SLC17A6: variants seen among roughly 807,000 people sequenced by gnomAD.
SLC17A6 encodes vesicular glutamate transporter 2.
Under a neutral mutation model 67.1 loss-of-function variants are expected in SLC17A6, and 35 were observed. The observed-to-expected ratio is 0.52, with a 90% CI of 0.40 to 0.69. SLC17A6 has a LOEUF of 0.69. Among genes scored for constraint, SLC17A6 ranks in the 30% least tolerant of loss-of-function variants. The probability of loss-of-function intolerance (pLI) is 0.00; values close to 1 mark genes in which losing one functional copy is unlikely to be tolerated. For synonymous variants in SLC17A6, 285 were observed against 252.3 expected, an observed-to-expected ratio of 1.13 and a Z score of -1.23; for missense variants, 588 against 723.9, an observed-to-expected ratio of 0.81 and a Z score of 2.15.
chr11:22,364,606 C>T lies in SLC17A6; in HGVS notation c.749-941C>T, dbSNP rs188056027. On this transcript the variant is annotated intron_variant, in intron 6 of 11. Transcript: ENST00000263160. ...TAAAAGGAACACAGCTCATCAGAAG[C>T]TATGTATGGTGTTAGGAAACCCTTC... is the stretch of plus-strand genomic sequence containing the variant. 3.4e-4 allele frequency among the ~76,000 whole-genome samples: 51 copies of T among 151,970 alleles called. 1 individual carries two copies. The highest frequency in any genetic ancestry group is 1.2e-4 in the Non-Finnish European group (8 of 67,984).
intron 2 of SLC17A6, among the ~76,000 whole-genome samples, chr11:22,342,078 C>A (rs910724799): frequency 6.6e-6 from 1 of 152,212 alleles, no homozygotes; most frequent in Non-Finnish European, 1.5e-5. Context: ...TCCACTAAGT[C>A]TAAATAGAAG....
intron 5 of SLC17A6, among the ~76,000 whole-genome samples, chr11:22,361,823 G>T (rs1010352039): frequency 6.6e-6 from 1 of 152,136 alleles, no homozygotes; most frequent in Non-Finnish European, 1.5e-5. Flanking sequence ...GAGCAGTAAG[G>T]CAAGAGAGCA....
chr11:22,350,448 G>A (rs1855925290), intron 3 of SLC17A6, among the ~76,000 whole-genome samples: 1 of 147,146 alleles, frequency 6.8e-6, no homozygotes, highest in African/African-American at 2.5e-5. Context: ...ATTTGCTGCA[G>A]AGGAAATCAC....
chr11:22,341,324 G>A lies in SLC17A6; in HGVS notation c.87-204G>A, dbSNP rs555315570. On this transcript the variant is annotated intron_variant, in intron 1 of 11. Coordinates refer to ENST00000263160, the MANE Select transcript of SLC17A6 (RefSeq NM_020346.3). ...GTGTTAAAGTTGAAGAGACGCCGCC[G>A]CCGCGGCCAAGGGCACCTGCAGAAT... Among the ~76,000 whole-genome samples, 3 of 152,302 alleles carry A rather than the reference G, an allele frequency of 2.0e-5. 1 individual carries two copies. The South Asian group carries it at 6.2e-4, about 32-fold the overall frequency.
intron 7 of SLC17A6, among the ~76,000 whole-genome samples, chr11:22,368,327 A>C (rs542623894): frequency 3.9e-5 from 6 of 152,068 alleles, no homozygotes; most frequent in Non-Finnish European, 7.4e-5. Context: ...CACACATTGC[A>C]ACTTATTGCA....
rs57725309 is a variant in SLC17A6, at chr11:22,339,151, A to ATGTTTTTTATATAT, written c.86+532_86+533insTGTTTTTTATATAT. Among the ~76,000 whole-genome samples the ATGTTTTTTATATAT allele has an allele frequency of 7.1e-3, 213 of 29,798 alleles. 30 individuals carry two copies. The highest frequency in any genetic ancestry group is 0.035 in the African/African-American group (198 of 5,590). The allele number at this position is 29,798 out of a possible 152,430, so 19.5% of individuals were successfully genotyped here. On this transcript the variant is annotated intron_variant, in intron 1 of 11. Coordinates refer to ENST00000263160, the MANE Select transcript of SLC17A6 (RefSeq NM_020346.3). Reference sequence around the variant, plus strand: ...TATGTTATATATATATGTTATATATAGTTATATATATATGTTATATATATA... The same window carrying ATGTTTTTTATATAT: ...TATGTTATATATATATGTTATATATATGTTTTTTATATATGTTATATATATATGTTATATATATA...
At chr11:22,339,760 C>A (rs1387307871) in intron 1 of SLC17A6, among the ~76,000 whole-genome samples, 1 of 152,088 alleles carries the variant, frequency 6.6e-6, no homozygotes, top group Non-Finnish European at 1.5e-5. Context: ...CATGTAGGCA[C>A]GATTATGCAC....
At chr11:22,341,871 C>G (rs1193500882) in intron 2 of SLC17A6, 91 bp downstream of exon 2, 1 of 1,531,976 alleles carries the variant, frequency 6.5e-7, no homozygotes, top group Admixed American at 1.9e-5. Flanking sequence ...TCCCCCGCCA[C>G]TGAGAGGAAG....
Position 22,341,730 on chromosome 11 carries a change from G to C in SLC17A6, c.289G>C (p.Asp97His). The change falls in exon 2 of 12, where the codon GAC (aspartate) becomes CAC (histidine). Residue 97 changes from aspartate (D) to histidine (H), a missense_variant. By Grantham distance (81) the Asp-to-His change is moderately conservative. This residue lies in a region of SLC17A6 where 48 missense variants were observed against 36.5 expected (regional missense o/e 1.32). Transcript: ENST00000263160. ...CTGCAACCTGGGCGTGGCCATTGTG[G>C]ACATGGTCAACAACAGCACCATCCA... ...IRCNLGVAIV[D>H]MVNNSTIHRG... is the part of the protein sequence containing the mutation. The C allele has an allele frequency of 1.2e-6, 2 of 1,614,214 alleles. No homozygotes were observed. The highest frequency in any genetic ancestry group is 1.7e-6 in the Non-Finnish European group (2 of 1,180,050).
At position 22,377,894 on chromosome 11, in the gene SLC17A6, A is replaced by G. The variant is rs148604548; in HGVS notation, c.*154A>G. The G allele has an allele frequency of 1.8e-4, 109 of 594,114 alleles. No homozygotes were observed. The East Asian group carries it at 3.0e-3, about 16-fold the overall frequency. 36.8% of individuals were successfully genotyped at this position (594,114 alleles called of 1,614,324 possible). A position where few individuals can be genotyped will look rare whatever the true frequency, so the allele number is the denominator to read the frequency against. On this transcript the variant is annotated 3_prime_UTR_variant, in exon 12 of 12. Coordinates refer to ENST00000263160, the MANE Select transcript of SLC17A6 (RefSeq NM_020346.3). The stretch of plus-strand genomic sequence containing the variant: ...AACAAAACAAACCCATGAGGTTACC[A>G]TCAAGTGCAATCTGTAAAATTGTGA...
chr11:22,364,926 A>T, intron 6 of SLC17A6, among the ~76,000 whole-genome samples: 1 of 152,188 alleles, frequency 6.6e-6, no homozygotes, highest in East Asian at 1.9e-4. Flanking sequence ...AATAGGCAAT[A>T]CTATGTGCTG....
At chr11:22,354,335 C>A (rs139762859) in intron 3 of SLC17A6, among the ~76,000 whole-genome samples, 1 of 152,138 alleles carries the variant, frequency 6.6e-6, no homozygotes, top group Non-Finnish European at 1.5e-5. Flanking sequence ...CCACCCACCT[C>A]GGCCCCCAAA....
At position 22,365,602 on chromosome 11, in the gene SLC17A6, T is replaced by G. The variant is rs1856102722; in HGVS notation, c.804T>G (p.Pro268=). ...GGCTTTTGGTGTCTTATGAAAGTCC[T>G]GCAAAGCATCCTACTATTACAGATG... ...MFWLLVSYES[P]AKHPTITDEE... The change falls in exon 7 of 12, where the codon CCT becomes CCG. Residue 268 remains proline (P), a synonymous_variant. Transcript: ENST00000263160. 1.2e-6 allele frequency: 2 copies of G among 1,613,908 alleles called. No individual in the cohort carries two copies. Among genetic ancestry groups the G allele is most frequent in the East Asian group, 2.2e-5 (1 of 44,870 alleles).
intron 11 of SLC17A6, 32 bp from the exon 12 acceptor site, chr11:22,377,373 A>C: frequency 6.5e-7 from 1 of 1,548,872 alleles, no homozygotes; most frequent in South Asian, 1.2e-5. Context: ...ATGGGGAGTC[A>C]GTTCTCACAG....
chr11:22,366,451 A>G (rs1856113527), intron 7 of SLC17A6, among the ~76,000 whole-genome samples: 1 of 152,204 alleles, frequency 6.6e-6, no homozygotes, highest in African/African-American at 2.4e-5. Context: ...CAGCTGATAT[A>G]AAAGAATTAT....
At chr11:22,372,166 G>T (rs2133877038) in intron 8 of SLC17A6, among the ~76,000 whole-genome samples, 1 of 151,826 alleles carries the variant, frequency 6.6e-6, no homozygotes, top group Non-Finnish European at 1.5e-5. Flanking sequence ...GAGTGCAATG[G>T]CTTAACCTTC....
intron 1 of SLC17A6, among the ~76,000 whole-genome samples, chr11:22,341,151 T>A (rs1045740167): frequency 6.6e-6 from 1 of 152,116 alleles, no homozygotes; most frequent in Non-Finnish European, 1.5e-5. Flanking sequence ...CCTACTCAGG[T>A]GCAGAGGAGG....
At chr11:22,360,526 TCC>T (rs59936385) in intron 4 of SLC17A6, among the ~76,000 whole-genome samples, 10 of 115,608 alleles carry the variant, frequency 8.6e-5, no homozygotes, top group East Asian at 3.5e-4. Context: ...CCGCTCTCCT[TCC>T]CCCCCCCCCA....
At chr11:22,344,390 C>T (rs988486557) in intron 3 of SLC17A6, among the ~76,000 whole-genome samples, 6 of 152,144 alleles carry the variant, frequency 3.9e-5, no homozygotes, top group African/African-American at 1.4e-4. Context: ...CTCTCAGGCC[C>T]CATACTGCAT....
Sources: gnomAD v4.1 joint callset for allele counts (sites outside exome capture counted in the v4.1 genomes callset) on GRCh38, gnomAD v4.1.1 for gene constraint, gnomAD v4.1.1 regional missense constraint, MANE v1.5 for transcripts, NCBI Gene and HGNC (gene_info 2026-07-23, HGNC 2026-07-21) for gene names.